Variants in PRELID2 observed in about 807,000 individuals in gnomAD.
The protein encoded by PRELID2 is PRELI domain-containing protein 2.
In PRELID2, 25 loss-of-function variants were observed where a neutral mutation model predicts 28.4. The ratio of observed to expected loss-of-function variants is 0.88; its 90% CI spans 0.64 to 1.23. PRELID2 has a LOEUF of 1.23. PRELID2 is among the 50% of genes most tolerant of loss of function. The pLI is 0.00. For missense variants in PRELID2, 201 were observed against 214.4 expected (o/e 0.94, Z 0.39); for synonymous variants, 76 against 71.6 (o/e 1.06, Z -0.31).
At chr5:145,644,322 G>T (rs113880489) in intron 1 of PRELID2, among the ~76,000 whole-genome samples, 1 of 152,034 alleles carries the variant, frequency 6.6e-6, no homozygotes, top group African/African-American at 2.4e-5. Flanking sequence ...AGTATTCTCC[G>T]ATGGTAGTTT....
intron 1 of PRELID2, among the ~76,000 whole-genome samples, chr5:145,701,850 A>C (rs1171596634): frequency 6.6e-6 from 1 of 152,124 alleles, no homozygotes; most frequent in Non-Finnish European, 1.5e-5. Flanking sequence ...TCAGGAGTTC[A>C]AGACCAGCCT....
At chr5:145,273,792 A>G in the PRELID2 span, among the ~76,000 whole-genome samples, 1 of 152,166 alleles carries the variant, frequency 6.6e-6, no homozygotes, top group Non-Finnish European at 1.5e-5. Context: ...ATCCTGGGAA[A>G]TTCAGGGAAA....
chr5:145,825,225 C>CAAAAAAA (rs56818178), intron 1 of PRELID2, among the ~76,000 whole-genome samples: 11 of 60,428 alleles, frequency 1.8e-4, no homozygotes, highest in East Asian at 6.7e-4. Context: ...GACTCTGTCT[C>CAAAAAAA]AAAAAAAAAA....
chr5:145,427,972 T>C, the PRELID2 span, among the ~76,000 whole-genome samples: 7 of 152,272 alleles, frequency 4.6e-5, no homozygotes, highest in Middle Eastern at 3.4e-3. Flanking sequence ...TTCTTTCTTT[T>C]TTTGAGACGG....
chr5:145,524,039 T>C (rs1432572444), intron 1 of PRELID2, among the ~76,000 whole-genome samples: 1 of 152,150 alleles, frequency 6.6e-6, no homozygotes, highest in African/African-American at 2.4e-5. Context: ...TTTTTGTTTT[T>C]CAGGGGTCAA....
the PRELID2 span, among the ~76,000 whole-genome samples, chr5:145,419,212 C>T: frequency 7.4e-5 from 11 of 148,852 alleles, no homozygotes; most frequent in Non-Finnish European, 1.3e-4. Flanking sequence ...GTCTTTATAG[C>T]AGCATGATTT....
intron 1 of PRELID2, among the ~76,000 whole-genome samples, chr5:145,668,747 C>T (rs1754646274): frequency 6.6e-6 from 1 of 152,020 alleles, no homozygotes; most frequent in African/African-American, 2.4e-5. Context: ...TTTCTCAGGT[C>T]CACACAGCTG....
At chr5:145,692,363 T>TACACAC (rs57331963) in intron 1 of PRELID2, among the ~76,000 whole-genome samples, 14 of 150,904 alleles carry the variant, frequency 9.3e-5, no homozygotes, top group East Asian at 5.8e-4. Context: ...TACATGGAGG[T>TACACAC]ACACACACAC....
the PRELID2 span, among the ~76,000 whole-genome samples, chr5:145,232,863 A>G: frequency 9.2e-5 from 14 of 152,104 alleles, no homozygotes; most frequent in Non-Finnish European, 1.8e-4. Flanking sequence ...GATAATATAC[A>G]TATTAAAAAT....
the PRELID2 span, among the ~76,000 whole-genome samples, chr5:145,272,471 A>G: frequency 0.07 from 10,677 of 152,176 alleles, 1,206 homozygotes; most frequent in African/African-American, 0.24. Flanking sequence ...ATGCCCGCAC[A>G]CAGAGTTAAT....
At chr5:145,273,128 G>C in the PRELID2 span, among the ~76,000 whole-genome samples, 1 of 152,162 alleles carries the variant, frequency 6.6e-6, no homozygotes, top group South Asian at 2.1e-4. Context: ...TTAAAGCAGA[G>C]TTCGGGCACA....
At chr5:145,650,531 C>CATATATAT (rs56324486) in intron 1 of PRELID2, among the ~76,000 whole-genome samples, 217 of 68,580 alleles carry the variant, frequency 3.2e-3, no homozygotes, top group Non-Finnish European at 4.8e-3. Context: ...CACATATATA[C>CATATATAT]ATATATATAT....
intron 1 of PRELID2, among the ~76,000 whole-genome samples, chr5:145,669,362 T>C (rs1369249607): frequency 1.3e-5 from 2 of 152,110 alleles, no homozygotes; most frequent in African/African-American, 4.8e-5. Context: ...TAGTGAATTC[T>C]ACCATATGGT....
intron 1 of PRELID2, among the ~76,000 whole-genome samples, chr5:145,507,537 C>T (rs1287276119): frequency 6.6e-6 from 1 of 152,086 alleles, no homozygotes; most frequent in African/African-American, 2.4e-5. Flanking sequence ...CAGATTTTCC[C>T]TGTGTTTTTT....
At chr5:145,233,315 T>C in the PRELID2 span, among the ~76,000 whole-genome samples, 1 of 152,164 alleles carries the variant, frequency 6.6e-6, no homozygotes, top group Admixed American at 6.5e-5. Context: ...GTTCAGATTT[T>C]CACCACACAT....
chr5:145,610,329 G>A (rs940587214), intron 1 of PRELID2, among the ~76,000 whole-genome samples: 2 of 152,126 alleles, frequency 1.3e-5, no homozygotes, highest in Non-Finnish European at 2.9e-5. Context: ...TAATCCGCCT[G>A]CAGGGTTAGT....
At chr5:145,513,855 A>G (rs1489741135) in intron 1 of PRELID2, among the ~76,000 whole-genome samples, 1 of 152,186 alleles carries the variant, frequency 6.6e-6, no homozygotes, top group Non-Finnish European at 1.5e-5. Context: ...ATTCTTGGAG[A>G]AAAGAATTTT....
the PRELID2 span, among the ~76,000 whole-genome samples, chr5:145,415,279 T>C: frequency 1.3e-5 from 2 of 152,106 alleles, no homozygotes; most frequent in Admixed American, 1.3e-4. Flanking sequence ...TTTCTTTTTT[T>C]CTTTTTTTTA....
intron 2 of PRELID2, among the ~76,000 whole-genome samples, chr5:145,820,898 C>A (rs567075999): frequency 2.0e-5 from 3 of 152,108 alleles, no homozygotes; most frequent in African/African-American, 7.2e-5. Context: ...GACAGCCAAG[C>A]GGGCAACCTG....
Sources: gnomAD v4.1 joint callset for allele counts (sites outside exome capture counted in the v4.1 genomes callset) on GRCh38, gnomAD v4.1.1 for gene constraint, MANE v1.5 for transcripts, NCBI Gene and HGNC (gene_info 2026-07-23, HGNC 2026-07-21) for gene names.